Variants in PDZD2 observed in about 807,000 individuals in gnomAD.
PDZD2 encodes PDZ domain containing 2, also known as PDZ domain-containing protein 2.
In PDZD2, 90 loss-of-function variants were observed where a neutral mutation model predicts 220.7. The observed-to-expected ratio is 0.41, with a 90% CI of 0.34 to 0.49. The LOEUF (loss-of-function observed/expected upper bound fraction) is 0.49, where lower values mean the gene tolerates loss of function less well. Among genes scored for constraint, PDZD2 ranks in the 20% least tolerant of loss-of-function variants. PDZD2 has a pLI of 0.28. For synonymous variants in PDZD2, 1,375 were observed against 1,450.5 expected (o/e 0.95, Z 1.18); for missense variants, 3,174 against 3,608.5 (o/e 0.88, Z 3.08).
At chr5:31,745,262 G>A (rs1034797437) in intron 1 of PDZD2, among the ~76,000 whole-genome samples, 1 of 151,906 alleles carries the variant, frequency 6.6e-6, no homozygotes, top group African/African-American at 2.4e-5. Flanking sequence ...GACCCAAAGG[G>A]GTATAAAGAC....
chr5:32,030,417 G>A (rs772445367), intron 6 of PDZD2, among the ~76,000 whole-genome samples: 1 of 152,168 alleles, frequency 6.6e-6, no homozygotes, highest in Non-Finnish European at 1.5e-5. Flanking sequence ...ACGTGGCATT[G>A]CTTTCTCCTA....
chr5:31,769,111 C>A (rs553450824), intron 1 of PDZD2, among the ~76,000 whole-genome samples: 1 of 152,184 alleles, frequency 6.6e-6, no homozygotes, highest in Admixed American at 6.5e-5. Flanking sequence ...CCTGCATTGC[C>A]GAGGGCAGAT....
At chr5:32,105,005 C>T (rs970393556) in intron 24 of PDZD2, among the ~76,000 whole-genome samples, 13 of 151,696 alleles carry the variant, frequency 8.6e-5, no homozygotes, top group Admixed American at 2.0e-4. Context: ...TGTGGCGGCA[C>T]GCACCTATAG....
chr5:31,645,631 G>A (rs1023277761), intron 1 of PDZD2, among the ~76,000 whole-genome samples: 18 of 152,030 alleles, frequency 1.2e-4, no homozygotes, highest in African/African-American at 2.2e-4. Flanking sequence ...CGCTGTGCCC[G>A]GCTGGTCTCA....
At chr5:31,848,157 C>G (rs896190634) in intron 2 of PDZD2, 2 of 254,362 alleles carry the variant, frequency 7.9e-6, no homozygotes, top group Non-Finnish European at 1.6e-5. Context: ...AAGACCTAAA[C>G]CAAACAATTT....
chr5:31,866,097 G>A (rs997555851), intron 2 of PDZD2, among the ~76,000 whole-genome samples: 1 of 151,966 alleles, frequency 6.6e-6, no homozygotes, highest in Non-Finnish European at 1.5e-5. Flanking sequence ...CGCCTCTCTG[G>A]CTCAAGCAGT....
At chr5:31,933,028 A>C (rs774301725) in intron 2 of PDZD2, among the ~76,000 whole-genome samples, 1 of 151,678 alleles carries the variant, frequency 6.6e-6, no homozygotes, top group Admixed American at 6.6e-5. Context: ...CTCATGCCTC[A>C]TCCTCCCGAG....
At chr5:31,670,642 C>T (rs775485814) in intron 1 of PDZD2, among the ~76,000 whole-genome samples, 2 of 151,662 alleles carry the variant, frequency 1.3e-5, no homozygotes, top group South Asian at 2.1e-4. Context: ...ATGCTGGTGT[C>T]GAATTCCTGA....
intron 2 of PDZD2, among the ~76,000 whole-genome samples, chr5:31,881,374 A>ATAT (rs1554088514): frequency 1.6e-4 from 16 of 100,278 alleles, no homozygotes; most frequent in Non-Finnish European, 3.1e-4. Flanking sequence ...GTGTGTATAT[A>ATAT]TTTTTTTTTT....
chr5:31,983,569 A>G lies in PDZD2; in HGVS notation c.891A>G (p.Thr297=). The change falls in exon 3 of 25, where the codon ACA becomes ACG. Residue 297 remains threonine, a synonymous_variant. Transcript: ENST00000438447. The part of the protein sequence containing the change: ...DRGTEHRIPK[T]DAPLTTSNDK... ...GGACAGAGCATAGAATTCCAAAGAC[A>G]GATGCTCCTCTGACCACAAGCAATG... The G allele has an allele frequency of 6.2e-7, 1 of 1,614,196 alleles. No individual in the cohort carries two copies. Among genetic ancestry groups the G allele is most frequent in the East Asian group, 2.2e-5 (1 of 44,880 alleles).
At chr5:31,851,751 A>G (rs1758066454) in intron 2 of PDZD2, among the ~76,000 whole-genome samples, 1 of 152,188 alleles carries the variant, frequency 6.6e-6, no homozygotes, top group Admixed American at 6.5e-5. Flanking sequence ...GTGAAACCTC[A>G]GTTAGGGAAA....
intron 2 of PDZD2, among the ~76,000 whole-genome samples, chr5:31,824,041 A>G (rs575098544): frequency 6.6e-6 from 1 of 152,344 alleles, no homozygotes; most frequent in African/African-American, 2.4e-5. Flanking sequence ...TTACTAGTAT[A>G]GGGAGGGCGT....
At position 32,030,637 on chromosome 5, in the gene PDZD2, T is replaced by C. The variant is rs561605680; in HGVS notation, c.1408-6594T>C. The stretch of plus-strand genomic sequence containing the variant: ...GACCTTTTTTCCTAACATACTAATC[T>C]AGATAATATACAGGGTCCATCACTG... On this transcript the variant is annotated intron_variant, in intron 6 of 24. Coordinates refer to ENST00000438447, the MANE Select transcript of PDZD2 (RefSeq NM_178140.4). 2.0e-5 allele frequency among the ~76,000 whole-genome samples: 3 copies of C among 152,328 alleles called. No homozygotes were observed. The South Asian group carries it at 6.2e-4, about 32-fold the overall frequency.
chr5:31,661,785 G>GTTTTTTTTTTT (rs5867089), intron 1 of PDZD2, among the ~76,000 whole-genome samples: 6 of 141,806 alleles, frequency 4.2e-5, no homozygotes, highest in African/African-American at 2.6e-5. Context: ...TCCTCCCTTG[G>GTTTTTTTTTTT]TTTTTTTTTT....
chr5:32,001,274 A>C (rs1752083002), intron 5 of PDZD2, among the ~76,000 whole-genome samples: 1 of 152,180 alleles, frequency 6.6e-6, no homozygotes, highest in African/African-American at 2.4e-5. Context: ...CTCTTCCAGG[A>C]GGAGCTGAAG....
intron 3 of PDZD2, among the ~76,000 whole-genome samples, chr5:31,991,418 A>C (rs1751200359): frequency 6.6e-6 from 1 of 152,158 alleles, no homozygotes; most frequent in Admixed American, 6.6e-5. Context: ...CAGATGTGGG[A>C]GATTAAACAG....
chr5:31,990,878 G>T (rs2111933371), intron 3 of PDZD2, among the ~76,000 whole-genome samples: 1 of 152,306 alleles, frequency 6.6e-6, no homozygotes, highest in South Asian at 2.1e-4. Flanking sequence ...CATGGGCAGG[G>T]GGCTGGTTGA....
chr5:31,833,627 C>A (rs1220704867), intron 2 of PDZD2, among the ~76,000 whole-genome samples: 1 of 107,908 alleles, frequency 9.3e-6, no homozygotes, highest in African/African-American at 3.7e-5. Flanking sequence ...CAAAATGAGA[C>A]CCTGTCTCAA....
intron 2 of PDZD2, among the ~76,000 whole-genome samples, chr5:31,900,486 C>T (rs952165968): frequency 7.7e-5 from 11 of 143,280 alleles, no homozygotes; most frequent in African/African-American, 1.3e-4. Context: ...CCAGGCTGCC[C>T]GAGGCTAGGT....
Sources: allele counts gnomAD v4.1 joint callset (sites outside exome capture counted in the v4.1 genomes callset), GRCh38; gene constraint gnomAD v4.1.1; transcripts MANE v1.5; gene names NCBI Gene and HGNC (gene_info 2026-07-23, HGNC 2026-07-21).